The following NCOA7 variants were observed in gnomAD, a reference collection of about 807,000 sequenced individuals.
NCOA7 encodes the protein nuclear receptor coactivator 7, also known as 140 kDa estrogen receptor-associated protein.
NCOA7 carries 45 observed loss-of-function variants against 104.3 expected under a neutral mutation model. That is an observed-to-expected ratio of 0.43 (90% confidence interval 0.34 to 0.55). The LOEUF (loss-of-function observed/expected upper bound fraction) is 0.55. Among genes scored for constraint, NCOA7 ranks in the 20% least tolerant of loss-of-function variants. The pLI, the probability that NCOA7 is intolerant of heterozygous loss-of-function variation, is 0.02. For missense variants in NCOA7, 1,041 were observed against 1,119.7 expected (o/e 0.93, Z 1.00); for synonymous variants, 398 against 402.3 (o/e 0.99, Z 0.13).
intron 2 of NCOA7, among the ~76,000 whole-genome samples, chr6:125,823,474 C>T (rs1562835222): frequency 6.6e-6 from 1 of 152,144 alleles, no homozygotes; most frequent in African/African-American, 2.4e-5. Flanking sequence ...AAATTACTAA[C>T]TAAACTGTTG....
chr6:125,821,465 C>A (rs1373840832), intron 2 of NCOA7, among the ~76,000 whole-genome samples: 1 of 152,120 alleles, frequency 6.6e-6, no homozygotes, highest in African/African-American at 2.4e-5. Context: ...GGTCACCTGA[C>A]CTGCTGCTAC....
chr6:125,920,074 G>A (rs961851143), intron 11 of NCOA7, among the ~76,000 whole-genome samples: 2 of 152,182 alleles, frequency 1.3e-5, no homozygotes, highest in Non-Finnish European at 2.9e-5. Context: ...GGCCAAAAAT[G>A]GATTTTAGAG....
rs11962474 is a variant in NCOA7, at chr6:125,836,082, G to A, written c.51-18938G>A. On this transcript the variant is annotated intron_variant, in intron 2 of 15. Transcript: ENST00000392477. ...GGTACAAATTCTTTCATTAGTTTAGGTAATTATATTTTCATCTTAAACTGT... is the reference window on the plus strand; with the variant it reads ...GGTACAAATTCTTTCATTAGTTTAGATAATTATATTTTCATCTTAAACTGT... Among the ~76,000 whole-genome samples the A allele has an allele frequency of 7.5e-4, 114 of 152,222 alleles. 1 individual carries two copies. The highest frequency in any genetic ancestry group is 2.7e-3 in the African/African-American group (114 of 41,542).
intron 4 of NCOA7, among the ~76,000 whole-genome samples, chr6:125,877,360 A>C (rs1486348876): frequency 6.6e-6 from 1 of 152,196 alleles, no homozygotes; most frequent in Non-Finnish European, 1.5e-5. Context: ...CACCTGGTGG[A>C]GCCAGTTCTG....
intron 2 of NCOA7, among the ~76,000 whole-genome samples, chr6:125,848,243 A>G (rs1208801360): frequency 6.6e-6 from 1 of 152,120 alleles, no homozygotes; most frequent in Non-Finnish European, 1.5e-5. Flanking sequence ...TCAGTGTGGC[A>G]ATTCCTCAAG....
chr6:125,830,735 A>ATGTGTGTGTGTGTG (rs779830277), intron 2 of NCOA7, among the ~76,000 whole-genome samples: 77 of 133,988 alleles, frequency 5.7e-4, no homozygotes, highest in East Asian at 5.3e-3. Flanking sequence ...ATATATATAT[A>ATGTGTGTGTGTGTG]TATGTGTGTG....
intron 10 of NCOA7, among the ~76,000 whole-genome samples, chr6:125,897,254 G>A (rs184637303): frequency 3.5e-4 from 54 of 152,330 alleles, no homozygotes; most frequent in African/African-American, 1.2e-3. Context: ...GGACCAAAGA[G>A]TAGAACCAAG....
At chr6:125,835,088 T>C (rs1779502452) in intron 2 of NCOA7, among the ~76,000 whole-genome samples, 1 of 152,240 alleles carries the variant, frequency 6.6e-6, no homozygotes, top group Non-Finnish European at 1.5e-5. Context: ...TTCTTTTCTT[T>C]TCTCAGGCTA....
chr6:125,914,684 G>T (rs913285801), intron 10 of NCOA7, among the ~76,000 whole-genome samples: 1 of 152,104 alleles, frequency 6.6e-6, no homozygotes, highest in African/African-American at 2.4e-5. Context: ...AGTTTTCACA[G>T]CTCTCATTCT....
intron 3 of NCOA7, among the ~76,000 whole-genome samples, chr6:125,862,567 G>A (rs1782147622): frequency 7.2e-6 from 1 of 138,234 alleles, no homozygotes; most frequent in Non-Finnish European, 1.5e-5. Flanking sequence ...CACGTGAATG[G>A]CATTTTTGCC....
intron 5 of NCOA7, among the ~76,000 whole-genome samples, chr6:125,880,653 C>T (rs965250130): frequency 2.6e-5 from 4 of 152,082 alleles, no homozygotes; most frequent in Admixed American, 1.3e-4. Flanking sequence ...TCAGCCTCCC[C>T]GAGTATCTGG....
In NCOA7 at chr6:125,928,903, A is replaced by G; in HGVS notation, c.*132A>G. 1 of 962,534 alleles carries G rather than the reference A, an allele frequency of 1.0e-6. No homozygotes were observed. Among genetic ancestry groups the G allele is most frequent in the Non-Finnish European group, 1.5e-6 (1 of 664,074 alleles). The allele number at this position is 962,534 out of a possible 1,614,324, so 59.6% of individuals were successfully genotyped here. A position where few individuals can be genotyped will look rare whatever the true frequency, so the allele number is the denominator to read the frequency against. ...AATGCTTCCTTTCTGCCATCATCTC[A>G]GAGCATGATCACATTGCAGAAAGAT... On this transcript the variant is annotated 3_prime_UTR_variant, in exon 16 of 16. Coordinates refer to ENST00000392477, the MANE Select transcript of NCOA7 (RefSeq NM_181782.5).
chr6:125,865,577 A>G (rs1323074015), intron 3 of NCOA7, among the ~76,000 whole-genome samples: 1 of 136,642 alleles, frequency 7.3e-6, no homozygotes, highest in African/African-American at 3.1e-5. Flanking sequence ...GAATGTTTTA[A>G]TTGTGCTTTT....
At chr6:125,928,391 C>T in intron 15 of NCOA7, 144 bp downstream of exon 15, 1 of 807,290 alleles carries the variant, frequency 1.2e-6, no homozygotes, top group Non-Finnish European at 2.0e-6. Flanking sequence ...CAGAGGCTAA[C>T]ACAGAATGGC....
intron 3 of NCOA7, among the ~76,000 whole-genome samples, chr6:125,863,982 A>C (rs747838988): frequency 2.9e-5 from 4 of 136,430 alleles, no homozygotes; most frequent in Non-Finnish European, 6.2e-5. Flanking sequence ...ATCTTAGCAA[A>C]TACATTGATG....
intron 2 of NCOA7, among the ~76,000 whole-genome samples, chr6:125,853,016 GC>G (rs759592809): frequency 2.0e-5 from 3 of 152,174 alleles, no homozygotes; most frequent in Non-Finnish European, 2.9e-5. Flanking sequence ...ATTGCTTTGG[GC>G]AGTATGGTCA....
At position 125,929,093 on chromosome 6, in the gene NCOA7, AATAAGATACTGTGGATAT is replaced by A. The variant is rs552601791; in HGVS notation, c.*326_*343del. ...ATTTTTATTTTTGGTAACTGTGAAA[AATAAGATACTGTGGATAT>A]ATACATGCCTTGTGTATTTATCAGC... is the stretch of plus-strand genomic sequence containing the variant. On this transcript the variant is annotated 3_prime_UTR_variant, in exon 16 of 16. Transcript: ENST00000392477. 5 of 197,298 alleles carry A rather than the reference AATAAGATACTGTGGATAT, an allele frequency of 2.5e-5. No individual in the cohort carries two copies. The highest frequency in any genetic ancestry group is 5.1e-5 in the Non-Finnish European group (5 of 98,018). 12.2% of individuals were successfully genotyped at this position (197,298 alleles called of 1,614,324 possible).
upstream of NCOA7, among the ~76,000 whole-genome samples, chr6:125,789,288 T>G (rs1478257549): frequency 6.6e-6 from 1 of 152,206 alleles, no homozygotes; most frequent in African/African-American, 2.4e-5. Context: ...ACAAGCGCAG[T>G]GCAGCTCCCA....
At chr6:125,864,365 G>A (rs1583409875) in intron 3 of NCOA7, among the ~76,000 whole-genome samples, 2 of 137,304 alleles carry the variant, frequency 1.5e-5, no homozygotes, top group East Asian at 4.2e-4. Flanking sequence ...TATAAAAAGA[G>A]GTATAGAGAA....
Sources: allele counts gnomAD v4.1 joint callset (sites outside exome capture counted in the v4.1 genomes callset), GRCh38; gene constraint gnomAD v4.1.1; transcripts MANE v1.5; gene names NCBI Gene and HGNC (gene_info 2026-07-23, HGNC 2026-07-21).